The following ADGRB1 variants were observed in gnomAD, a reference collection of about 807,000 sequenced individuals.
The protein encoded by ADGRB1 is adhesion G protein-coupled receptor B1, also known as brain-specific angiogenesis inhibitor 1.
A neutral mutation model predicts 175.7 loss-of-function variants in ADGRB1; 36 were observed. The ratio of observed to expected loss-of-function variants is 0.20; its 90% CI spans 0.16 to 0.27. ADGRB1 has a LOEUF of 0.27. Among genes scored for constraint, ADGRB1 ranks in the 10% least tolerant of loss-of-function variants. ADGRB1 has a pLI of 1.00. For missense variants in ADGRB1, 1,731 were observed against 2,255.3 expected (o/e 0.77, Z 4.71); for synonymous variants, 1,054 against 979.4 (o/e 1.08, Z -1.42).
chr8:142,481,855 C>G, intron 11 of ADGRB1, 144 bp downstream of exon 11: 1 of 745,642 alleles, frequency 1.3e-6, no homozygotes, highest in Non-Finnish European at 2.1e-6. Flanking sequence ...CTTTGTCACA[C>G]ATTTAATCTT....
chr8:142,533,799 C>T (rs1279302914), intron 25 of ADGRB1, among the ~76,000 whole-genome samples: 2 of 152,204 alleles, frequency 1.3e-5, no homozygotes, highest in Non-Finnish European at 2.9e-5. Context: ...GAAGTAGCTT[C>T]CAGGGCAATA....
chr8:142,495,659 G>C (rs1563711685), intron 17 of ADGRB1, among the ~76,000 whole-genome samples: 1 of 151,958 alleles, frequency 6.6e-6, no homozygotes, highest in Non-Finnish European at 1.5e-5. Context: ...CTCTGCTGCT[G>C]TCTTTTCCTG....
In ADGRB1 at chr8:142,489,385, C is replaced by T. The variant is rs750529353; in HGVS notation, c.2578C>T (p.Pro860Ser). Residue 860 changes from proline to serine, a missense_variant, in exon 16 of 31, where the codon CCG becomes TCG. Physicochemically the swap from Pro to Ser is moderately conservative, Grantham distance 74. Coordinates refer to ENST00000517894, the MANE Select transcript of ADGRB1 (RefSeq NM_001702.3). ...SKVISVTVKP[P>S]PRSLRTPLEI... is the part of the protein sequence containing the mutation. ...GGTGATCTCCGTGACTGTGAAACCC[C>T]CGCCTCGCTCCCTGCGCACACCCTT... The T allele has an allele frequency of 1.2e-6, 2 of 1,612,976 alleles. No individual in the cohort carries two copies. The highest frequency in any genetic ancestry group is 3.3e-5 in the Admixed American group (2 of 60,014).
chr8:142,480,021 T>TAAC (rs1212484051), intron 9 of ADGRB1, among the ~76,000 whole-genome samples: 1 of 152,188 alleles, frequency 6.6e-6, no homozygotes, highest in African/African-American at 2.4e-5. Flanking sequence ...TGCTCAGCCC[T>TAAC]AACGCAAGAT....
At chr8:142,506,954 G>C (rs962531362) in intron 17 of ADGRB1, among the ~76,000 whole-genome samples, 1 of 152,186 alleles carries the variant, frequency 6.6e-6, no homozygotes, top group Non-Finnish European at 1.5e-5. Context: ...TGCCCCTGAC[G>C]GTCCCTTGCA....
At chr8:142,498,428 G>A (rs187680702) in intron 17 of ADGRB1, among the ~76,000 whole-genome samples, 8 of 152,274 alleles carry the variant, frequency 5.3e-5, no homozygotes. Context: ...GGACGCAGCT[G>A]TGAGTTGCCC....
intron 2 of ADGRB1, among the ~76,000 whole-genome samples, chr8:142,469,607 A>ATG (rs763098191): frequency 7.6e-6 from 1 of 130,728 alleles, no homozygotes; most frequent in East Asian, 2.4e-4. Flanking sequence ...GTGCACGTGC[A>ATG]TGTGTGTGTA....
intron 18 of ADGRB1, among the ~76,000 whole-genome samples, chr8:142,515,283 C>T (rs996808798): frequency 6.6e-6 from 1 of 152,238 alleles, no homozygotes; most frequent in Non-Finnish European, 1.5e-5. Flanking sequence ...CGGCCTGGCT[C>T]TGCCTCCCCT....
At chr8:142,453,054 TC>T (rs1839456041) in intron 1 of ADGRB1, among the ~76,000 whole-genome samples, 1 of 120,422 alleles carries the variant, frequency 8.3e-6, no homozygotes, top group Non-Finnish European at 1.7e-5. Flanking sequence ...GCTCGCTCGC[TC>T]GCTCGCCGTC....
At chr8:142,536,199 T>C (rs1465389418) in intron 25 of ADGRB1, among the ~76,000 whole-genome samples, 1 of 149,708 alleles carries the variant, frequency 6.7e-6, no homozygotes, top group African/African-American at 2.5e-5. Flanking sequence ...AAGCCCTCTG[T>C]GCTTTCATGC....
At chr8:142,523,027 G>GC (rs1843940632) in intron 22 of ADGRB1, among the ~76,000 whole-genome samples, 1 of 152,230 alleles carries the variant, frequency 6.6e-6, no homozygotes, top group Non-Finnish European at 1.5e-5. Context: ...TCGGTGGGGA[G>GC]CCCCCCTCTG....
At chr8:142,473,382 G>A (rs759935823) in intron 2 of ADGRB1, among the ~76,000 whole-genome samples, 4 of 152,196 alleles carry the variant, frequency 2.6e-5, no homozygotes, top group Admixed American at 1.3e-4. Flanking sequence ...ACTGAGGCCC[G>A]GAGCACCTGG....
chr8:142,492,872 A>G lies in ADGRB1; in HGVS notation c.2675+2057A>G, dbSNP rs1842045493. On this transcript the variant is annotated intron_variant, in intron 17 of 30. Coordinates refer to ENST00000517894, the MANE Select transcript of ADGRB1 (RefSeq NM_001702.3). This position sits in a 1 kb window ranked among gnomAD's most constrained non-coding sequence, Gnocchi z 4.4. ...GGTCTCTCACCCCCACAGCCCCAGC[A>G]CTTCCACCAGCACAGGCCCCTCCCC... is the stretch of plus-strand genomic sequence containing the variant. Among the ~76,000 whole-genome samples, 2 of 151,688 alleles carry G rather than the reference A, an allele frequency of 1.3e-5. No homozygotes were observed. Among genetic ancestry groups the G allele is most frequent in the Admixed American group, 1.3e-4 (2 of 15,252 alleles).
At chr8:142,523,585 C>T (rs897425464) in intron 22 of ADGRB1, among the ~76,000 whole-genome samples, 2 of 151,680 alleles carry the variant, frequency 1.3e-5, no homozygotes, top group Admixed American at 6.6e-5. Context: ...CCTGGCCTGC[C>T]GAAGTCAGGG....
intron 2 of ADGRB1, among the ~76,000 whole-genome samples, chr8:142,468,936 C>T (rs1840430205): frequency 6.6e-6 from 1 of 152,258 alleles, no homozygotes; most frequent in African/African-American, 2.4e-5. Context: ...TGACGTGCCC[C>T]CCAACGTGTA....
At chr8:142,463,780 G>A (rs1356233560) in intron 1 of ADGRB1, among the ~76,000 whole-genome samples, 200 bp from the exon 2 acceptor site, 2 of 152,234 alleles carry the variant, frequency 1.3e-5, no homozygotes, top group South Asian at 2.1e-4. Context: ...CCCTGCAGGT[G>A]GTCACATTGG....
At chr8:142,498,525 T>C (rs916545781) in intron 17 of ADGRB1, among the ~76,000 whole-genome samples, 1 of 152,118 alleles carries the variant, frequency 6.6e-6, no homozygotes, top group Non-Finnish European at 1.5e-5. Flanking sequence ...AGCCCCTCCC[T>C]CAAGCACAGA....
rs574299726 is a variant in ADGRB1, at chr8:142,519,857, CGTG to C, written c.2922-962_2922-960del. Among the ~76,000 whole-genome samples the C allele has an allele frequency of 8.3e-4, 72 of 86,350 alleles. 1 individual carries two copies. The South Asian group carries it at 0.022, about 26-fold the overall frequency. 56.6% of individuals were successfully genotyped at this position (86,350 alleles called of 152,430 possible). A position where few individuals can be genotyped will look rare whatever the true frequency, so the allele number is the denominator to read the frequency against. Reference sequence around the variant, plus strand: ...TGATGGTGGTAGTGATGGTAATGGTCGTGGTGATGGTGGTGCTGGTGATTGTGG... The same window carrying C: ...TGATGGTGGTAGTGATGGTAATGGTCGTGATGGTGGTGCTGGTGATTGTGG... On this transcript the variant is annotated intron_variant, in intron 19 of 30. Coordinates refer to ENST00000517894, the MANE Select transcript of ADGRB1 (RefSeq NM_001702.3).
intron 26 of ADGRB1, among the ~76,000 whole-genome samples, chr8:142,539,081 C>A (rs34467824): frequency 0.027 from 4,053 of 152,316 alleles, 107 homozygotes; most frequent in African/African-American, 0.069. Flanking sequence ...TTTACAAACA[C>A]CTGAATCCAC....
Sources: allele counts gnomAD v4.1 joint callset (sites outside exome capture counted in the v4.1 genomes callset), GRCh38; gene constraint gnomAD v4.1.1; non-coding constraint Gnocchi (gnomAD v3.1); transcripts MANE v1.5; gene names NCBI Gene and HGNC (gene_info 2026-07-23, HGNC 2026-07-21).